MID1: variants seen among roughly 807,000 people sequenced by gnomAD.
The protein encoded by MID1 is midline 1.
In MID1, 7 loss-of-function variants were observed where a neutral mutation model predicts 40.4. The ratio of observed to expected loss-of-function variants is 0.17; its 90% CI spans 0.10 to 0.33. The LOEUF is 0.33. MID1 is among the 10% of genes least tolerant of loss of function. The pLI, the probability that MID1 is intolerant of heterozygous loss-of-function variation, is 1.00. For missense variants in MID1, 367 were observed against 558.5 expected (o/e 0.66, Z 3.46); for synonymous variants, 229 against 221.2 (o/e 1.04, Z -0.31).
At chrX:10,777,052 C>T (rs978583991) in intron 1 of MID1, among the ~76,000 whole-genome samples, 6 of 111,819 alleles carry the variant, frequency 5.4e-5, no homozygotes, top group Non-Finnish European at 1.1e-4. Context: ...GGCTTTGCAA[C>T]GAGGTTATTT....
At chrX:10,674,418 A>G (rs2043008099) in intron 1 of MID1, among the ~76,000 whole-genome samples, 1 of 112,452 alleles carries the variant, frequency 8.9e-6, no homozygotes, top group African/African-American at 3.2e-5. Context: ...CCTCTGCAAT[A>G]AACTCCACAA....
chrX:10,632,997 C>T (rs1936069159), intron 1 of MID1, among the ~76,000 whole-genome samples: 1 of 111,655 alleles, frequency 9.0e-6, no homozygotes, highest in Non-Finnish European at 1.9e-5. Context: ...CTCTGACTGA[C>T]ATTGACTAAT....
intron 1 of MID1, among the ~76,000 whole-genome samples, chrX:10,690,623 T>C (rs1489760285): frequency 9.0e-6 from 1 of 111,486 alleles, no homozygotes; most frequent in African/African-American, 3.3e-5. Context: ...AACCACTTAC[T>C]ACATTTGAGG....
At chrX:10,756,233 A>T (rs1470290472) in intron 1 of MID1, among the ~76,000 whole-genome samples, 3 of 111,939 alleles carry the variant, frequency 2.7e-5, no homozygotes, top group Non-Finnish European at 5.6e-5. Flanking sequence ...AGGAGAAAAA[A>T]ATCCCATGCT....
intron 1 of MID1, among the ~76,000 whole-genome samples, chrX:10,572,709 A>C (rs1425703695): frequency 1.8e-5 from 2 of 111,592 alleles, no homozygotes; most frequent in Non-Finnish European, 3.8e-5. Context: ...TATTGTTGTC[A>C]GGAAATCCTA....
chrX:10,465,752 TTCC>T (rs1450523114), intron 7 of MID1, among the ~76,000 whole-genome samples: 6 of 111,545 alleles, frequency 5.4e-5, no homozygotes, highest in African/African-American at 2.0e-4. Context: ...AAGTAGATTC[TTCC>T]TTAGTTGAGT....
intron 1 of MID1, among the ~76,000 whole-genome samples, chrX:10,748,417 A>G (rs2043575535): frequency 8.9e-6 from 1 of 112,411 alleles, no homozygotes; most frequent in Non-Finnish European, 1.9e-5. Context: ...AGATTTATAT[A>G]CAATTCCAAC....
At chrX:10,569,537 T>C (rs1934665991) in intron 1 of MID1, among the ~76,000 whole-genome samples, 1 of 112,368 alleles carries the variant, frequency 8.9e-6, no homozygotes, top group South Asian at 3.7e-4. Flanking sequence ...GAATTATCTT[T>C]AAATCAAAGT....
At chrX:10,457,193 C>T (rs926263194) in intron 8 of MID1, among the ~76,000 whole-genome samples, 5 of 111,876 alleles carry the variant, frequency 4.5e-5, no homozygotes, top group South Asian at 7.5e-4. Context: ...AAGTTCTGCT[C>T]GGCCTCCTTC....
At chrX:10,455,996 C>T (rs770806732) in intron 8 of MID1, among the ~76,000 whole-genome samples, 4 of 112,250 alleles carry the variant, frequency 3.6e-5, no homozygotes, top group African/African-American at 6.5e-5. Flanking sequence ...GGGTACAAGG[C>T]GTTTAAAGGC....
chrX:10,716,936 G>C (rs937307630), intron 1 of MID1, among the ~76,000 whole-genome samples: 1 of 111,260 alleles, frequency 9.0e-6, no homozygotes, highest in Non-Finnish European at 1.9e-5. Flanking sequence ...TTCATATCCA[G>C]CCAAACTAAG....
chrX:10,784,426 CT>C (rs1207224789), intron 1 of MID1, among the ~76,000 whole-genome samples: 1 of 107,979 alleles, frequency 9.3e-6, no homozygotes. Context: ...GCCAACTCCT[CT>C]TACAAGTTGT....
At chrX:10,589,800 G>T (rs1336902349) in intron 1 of MID1, 1 of 110,732 alleles carries the variant, frequency 9.0e-6, no homozygotes, top group Non-Finnish European at 1.9e-5. Context: ...CACCTAAGGA[G>T]CTGCCTCAAC....
chrX:10,579,027 T>G, intron 1 of MID1, among the ~76,000 whole-genome samples: 1 of 112,531 alleles, frequency 8.9e-6, no homozygotes, highest in Non-Finnish European at 1.9e-5. Context: ...CATATACATA[T>G]ACAAAAGCAC....
rs184913371 is a variant in MID1 at position 10,822,537 on chromosome X, G to A, written c.-187+11017C>T. On this transcript the variant is annotated intron_variant, in intron 1 of 10. Transcript: ENST00000380785. ...TGCACAGAAAAAGAAACTATCATCA[G>A]AGTGAATAGACAGCCTACAGAATAA... Among the ~76,000 whole-genome samples, 4 of 111,972 alleles carry A rather than the reference G, an allele frequency of 3.6e-5. No individual in the cohort carries two copies. The East Asian group carries it at 1.1e-3, about 31-fold the overall frequency.
At chrX:10,581,539 G>C (rs1935019982) in intron 1 of MID1, among the ~76,000 whole-genome samples, 1 of 111,550 alleles carries the variant, frequency 9.0e-6, no homozygotes, top group Non-Finnish European at 1.9e-5. Flanking sequence ...GTAGGGGATG[G>C]GGGATTGGGG....
At chrX:10,639,706 T>C (rs182381393) in intron 1 of MID1, among the ~76,000 whole-genome samples, 60 of 110,757 alleles carry the variant, frequency 5.4e-4, no homozygotes, top group African/African-American at 1.9e-3. Context: ...CCAAGACACA[T>C]AATTGTCAGA....
At chrX:10,607,939 A>G (rs1316588964) in intron 1 of MID1, among the ~76,000 whole-genome samples, 1 of 112,935 alleles carries the variant, frequency 8.9e-6, no homozygotes, top group African/African-American at 3.2e-5. Context: ...CAATTCAGTC[A>G]TGTACCAAGA....
At chrX:10,537,017 C>A in intron 2 of MID1, among the ~76,000 whole-genome samples, 1 of 111,326 alleles carries the variant, frequency 9.0e-6, no homozygotes. Context: ...GGATGCTGCA[C>A]CTCGATCAGC....
Sources: allele counts gnomAD v4.1 joint callset (sites outside exome capture counted in the v4.1 genomes callset), GRCh38; gene constraint gnomAD v4.1.1; transcripts MANE v1.5; gene names NCBI Gene and HGNC (gene_info 2026-07-23, HGNC 2026-07-21).